The following RALYL variants were observed in gnomAD, a reference collection of about 807,000 sequenced individuals.
RALYL encodes the protein RNA-binding Raly-like protein.
In RALYL, 29 loss-of-function variants were observed where a neutral mutation model predicts 35.1. The observed-to-expected ratio is 0.83, with a 90% CI of 0.61 to 1.13. The LOEUF (loss-of-function observed/expected upper bound fraction) is 1.13, where lower values mean the gene tolerates loss of function less well. RALYL is among the 50% of genes most tolerant of loss of function. RALYL has a pLI of 0.00. For missense variants in RALYL, 359 were observed against 360.4 expected (o/e 1.00, Z 0.03); for synonymous variants, 120 against 127.6 (o/e 0.94, Z 0.40).
At chr8:84,885,562 A>G (rs887041997) in intron 7 of RALYL, among the ~76,000 whole-genome samples, 3 of 152,186 alleles carry the variant, frequency 2.0e-5, no homozygotes, top group Admixed American at 2.0e-4. Flanking sequence ...TGCACAAATA[A>G]TGTTGTTAAA....
intron 4 of RALYL, among the ~76,000 whole-genome samples, chr8:84,840,811 T>C (rs562498829): frequency 1.3e-5 from 2 of 152,312 alleles, no homozygotes; most frequent in Admixed American, 6.5e-5. Flanking sequence ...GGGGCCAATA[T>C]TCAACATTCT....
At chr8:84,767,119 T>C (rs946017410) in intron 2 of RALYL, among the ~76,000 whole-genome samples, 2 of 152,146 alleles carry the variant, frequency 1.3e-5, no homozygotes, top group African/African-American at 4.8e-5. Context: ...CCTTTAATAG[T>C]ATGCTTACAA....
At chr8:84,600,981 C>A (rs1011585772) in intron 2 of RALYL, among the ~76,000 whole-genome samples, 1 of 151,962 alleles carries the variant, frequency 6.6e-6, no homozygotes, top group Non-Finnish European at 1.5e-5. Flanking sequence ...TTAGTAAGTG[C>A]CTATAATGTA....
At chr8:84,458,363 A>G (rs967366568) in intron 1 of RALYL, among the ~76,000 whole-genome samples, 1 of 151,902 alleles carries the variant, frequency 6.6e-6, no homozygotes, top group Non-Finnish European at 1.5e-5. Context: ...CGGTATTTCC[A>G]ACCATGACTC....
chr8:84,227,614 T>C (rs1207816970), intron 1 of RALYL, among the ~76,000 whole-genome samples: 2 of 152,172 alleles, frequency 1.3e-5, no homozygotes, highest in Non-Finnish European at 2.9e-5. Context: ...AATTTTGATT[T>C]TTTGGCATTT....
At position 84,447,975 on chromosome 8, in the gene RALYL, A is replaced by G. The variant is rs1011249250; in HGVS notation, c.-23-81324A>G. 3.9e-5 allele frequency among the ~76,000 whole-genome samples: 6 copies of G among 152,152 alleles called. No individual in the cohort carries two copies. The East Asian group carries it at 1.2e-3, about 30-fold the overall frequency. On this transcript the variant is annotated intron_variant, in intron 1 of 8. Transcript: ENST00000521268. The stretch of plus-strand genomic sequence containing the variant: ...AAATGTAAGGTTTTGTGTATTAGCA[A>G]CAGAGAGAGCGAGAGTGAGGAGAGA...
At chr8:84,735,430 G>T (rs1032361595) in intron 2 of RALYL, among the ~76,000 whole-genome samples, 7 of 151,862 alleles carry the variant, frequency 4.6e-5, no homozygotes, top group Admixed American at 2.6e-4. Context: ...ATTCTATTAT[G>T]CATGGCTTCA....
intron 2 of RALYL, among the ~76,000 whole-genome samples, chr8:84,751,713 C>A (rs922740487): frequency 6.6e-6 from 1 of 152,104 alleles, no homozygotes; most frequent in Non-Finnish European, 1.5e-5. Flanking sequence ...CTCCCCACAA[C>A]CTTCCTCCTG....
At chr8:84,386,891 T>C (rs1169376976) in intron 1 of RALYL, among the ~76,000 whole-genome samples, 2 of 151,884 alleles carry the variant, frequency 1.3e-5, no homozygotes, top group African/African-American at 4.8e-5. Flanking sequence ...CCTCAATAAC[T>C]GACACCTATT....
chr8:84,473,885 C>G (rs2053088462), intron 1 of RALYL, among the ~76,000 whole-genome samples: 1 of 151,920 alleles, frequency 6.6e-6, no homozygotes, highest in Non-Finnish European at 1.5e-5. Flanking sequence ...ATTAATATTA[C>G]TATACATACA....
intron 1 of RALYL, among the ~76,000 whole-genome samples, chr8:84,270,091 A>G (rs577602241): frequency 1.3e-5 from 2 of 152,254 alleles, no homozygotes; most frequent in East Asian, 1.9e-4. Flanking sequence ...GCAGTACTGC[A>G]TGAAGGTAGG....
At chr8:84,519,114 G>T (rs1252529910) in intron 1 of RALYL, among the ~76,000 whole-genome samples, 5 of 152,036 alleles carry the variant, frequency 3.3e-5, no homozygotes, top group African/African-American at 4.8e-5. Flanking sequence ...TGATGCTTTT[G>T]CCTTGACTCT....
intron 2 of RALYL, among the ~76,000 whole-genome samples, chr8:84,748,285 C>A (rs1563510713): frequency 6.6e-6 from 1 of 151,816 alleles, no homozygotes; most frequent in Non-Finnish European, 1.5e-5. Context: ...GCACAATTGA[C>A]CTAATTGTCA....
chr8:84,825,759 T>C (rs1829541126), intron 4 of RALYL, among the ~76,000 whole-genome samples: 1 of 152,104 alleles, frequency 6.6e-6, no homozygotes, highest in Non-Finnish European at 1.5e-5. Context: ...TCCCAGCTTC[T>C]TGGGAGGCCG....
At chr8:84,435,339 C>A (rs932942628) in intron 1 of RALYL, among the ~76,000 whole-genome samples, 2 of 152,022 alleles carry the variant, frequency 1.3e-5, no homozygotes, top group Non-Finnish European at 2.9e-5. Context: ...ATAACATTAT[C>A]CCTCTATTAT....
At chr8:84,636,198 T>C (rs901919) in intron 2 of RALYL, among the ~76,000 whole-genome samples, 1,539 of 151,900 alleles carry the variant, frequency 0.01, 26 homozygotes, top group African/African-American at 0.034. Flanking sequence ...CACCTTCCTT[T>C]TTAACAGCAC....
chr8:84,720,574 T>C (rs1052135798), intron 2 of RALYL, among the ~76,000 whole-genome samples: 1 of 152,130 alleles, frequency 6.6e-6, no homozygotes, highest in Non-Finnish European at 1.5e-5. Context: ...ATGGCATTGG[T>C]CTGGGCAAAG....
At chr8:84,273,629 G>A (rs1834768716) in intron 1 of RALYL, among the ~76,000 whole-genome samples, 1 of 152,166 alleles carries the variant, frequency 6.6e-6, no homozygotes, top group African/African-American at 2.4e-5. Flanking sequence ...ATATGTTTTG[G>A]GAGAGGCTTC....
intron 2 of RALYL, among the ~76,000 whole-genome samples, chr8:84,564,531 A>C (rs188315436): frequency 6.6e-6 from 1 of 151,714 alleles, no homozygotes; most frequent in Admixed American, 6.6e-5. Context: ...TTTTATTGCT[A>C]AAGTCTTTTA....
Sources: allele counts gnomAD v4.1 joint callset (sites outside exome capture counted in the v4.1 genomes callset), GRCh38; gene constraint gnomAD v4.1.1; transcripts MANE v1.5; gene names NCBI Gene and HGNC (gene_info 2026-07-23, HGNC 2026-07-21).